SAMD7: variants seen among roughly 807,000 people sequenced by gnomAD.
SAMD7 encodes the protein sterile alpha motif domain-containing protein 7.
Under a neutral mutation model 36.7 loss-of-function variants are expected in SAMD7, and 34 were observed. The ratio of observed to expected loss-of-function variants is 0.93; its 90% CI spans 0.71 to 1.23. The LOEUF is 1.23. Among genes scored for constraint, SAMD7 ranks in the 50% most tolerant of loss-of-function variants. The pLI is 0.00. For synonymous variants in SAMD7, 188 were observed against 189.7 expected, an observed-to-expected ratio of 0.99 and a Z score of 0.07; for missense variants, 570 against 546.6, an observed-to-expected ratio of 1.04 and a Z score of -0.43.
intron 2 of SAMD7, 78 bp from the exon 3 acceptor site, chr3:169,919,380 T>G: frequency 1.3e-6 from 1 of 786,602 alleles, no homozygotes; most frequent in South Asian, 1.6e-5. Context: ...CAAAAGGCTT[T>G]TATTGTGTTC....
At chr3:169,926,285 G>A (rs1173426303) in intron 5 of SAMD7, 25 of 1,383,616 alleles carry the variant, frequency 1.8e-5, no homozygotes, top group Admixed American at 9.2e-5. Context: ...GCTGTGCTGC[G>A]TAAGCCCCAT....
At chr3:169,927,704 C>A (rs1713334490) in intron 6 of SAMD7, among the ~76,000 whole-genome samples, 1 of 151,952 alleles carries the variant, frequency 6.6e-6, no homozygotes, top group Non-Finnish European at 1.5e-5. Flanking sequence ...TTATATTTTG[C>A]TATATAGAGA....
Position 169,938,705 on chromosome 3 carries a change from G to A in SAMD7, c.*199G>A, listed in dbSNP as rs117912878. 4.3e-3 allele frequency: 1,797 copies of A among 421,272 alleles called. 47 individuals are homozygous for A. In the East Asian group the frequency reaches 0.05, roughly 12 times the overall value. The allele number at this position is 421,272 out of a possible 1,614,324, so 26.1% of individuals were successfully genotyped here. A position where few individuals can be genotyped will look rare whatever the true frequency, so the allele number is the denominator to read the frequency against. On this transcript the variant is annotated 3_prime_UTR_variant, in exon 9 of 9. Coordinates refer to ENST00000335556, the MANE Select transcript of SAMD7 (RefSeq NM_001304366.2). ...ACCCCAGCACCAAATGACTGGAGAC[G>A]CATCCTTAGGAGCAAATGCTAATGA...
intron 5 of SAMD7, among the ~76,000 whole-genome samples, 176 bp downstream of exon 5, chr3:169,925,312 G>T (rs1300690244): frequency 6.6e-6 from 1 of 151,920 alleles, no homozygotes; most frequent in African/African-American, 2.4e-5. Context: ...AGTCTGCTCT[G>T]CCTATGGGGT....
chr3:169,938,347 C>T lies in SAMD7; in HGVS notation c.1182C>T (p.Tyr394=), dbSNP rs770317102. ...QVSQHVGSMF[Y]KKTLSFPIRQ... Reference sequence around the variant, plus strand: ...CTCAGCATGTGGGAAGTATGTTCTACAAGAAAACTCTTTCATTTCCTATAA... The same window carrying T: ...CTCAGCATGTGGGAAGTATGTTCTATAAGAAAACTCTTTCATTTCCTATAA... Residue 394 remains tyrosine (Y), a synonymous_variant, in exon 9 of 9, where the codon TAC becomes TAT. Transcript: ENST00000335556. 5.0e-6 allele frequency: 8 copies of T among 1,610,530 alleles called. No individual in the cohort carries two copies. Among genetic ancestry groups the T allele is most frequent in the South Asian group, 4.4e-5 (4 of 90,668 alleles).
At chr3:169,930,727 G>A (rs990334121) in intron 7 of SAMD7, among the ~76,000 whole-genome samples, 2 of 151,708 alleles carry the variant, frequency 1.3e-5, no homozygotes, top group African/African-American at 4.8e-5. Context: ...GACTATAGGT[G>A]CACACCACCA....
chr3:169,932,210 C>T, intron 7 of SAMD7: 3 of 800,270 alleles, frequency 3.7e-6, no homozygotes, highest in Non-Finnish European at 6.3e-6. Flanking sequence ...GAGACTGCAG[C>T]CCAGTGGGTG....
At chr3:169,924,726 C>G (rs759396354) in intron 4 of SAMD7, among the ~76,000 whole-genome samples, 1 of 152,102 alleles carries the variant, frequency 6.6e-6, no homozygotes, top group East Asian at 1.9e-4. Context: ...CCAAAAAATA[C>G]GTATACTTTT....
intron 5 of SAMD7, 63 bp from the exon 6 acceptor site, chr3:169,926,490 T>C: frequency 6.8e-7 from 1 of 1,460,720 alleles, no homozygotes. Flanking sequence ...AGACAAGGGG[T>C]CATTAAAATT....
intron 3 of SAMD7, 72 bp downstream of exon 3, chr3:169,919,656 A>G: frequency 8.1e-7 from 1 of 1,229,588 alleles, no homozygotes; most frequent in Non-Finnish European, 1.2e-6. Context: ...AATGATGTTA[A>G]GTCTAGTGTT....
rs1414770290 is a variant in SAMD7, at chr3:169,926,246, T to C, written c.291-307T>C. ...AACCTCTTCCCAGTACTTTAGGTTT[T>C]TTGAGGATTAATCTCTGGCAAGGAA... On this transcript the variant is annotated intron_variant, in intron 5 of 8. Transcript: ENST00000335556. 7.5e-6 allele frequency: 10 copies of C among 1,335,136 alleles called. No individual in the cohort carries two copies. In the South Asian group the frequency reaches 1.2e-4, roughly 16 times the overall value. The allele number at this position is 1,335,136 out of a possible 1,614,324, so 82.7% of individuals were successfully genotyped here. A position where few individuals can be genotyped will look rare whatever the true frequency, so the allele number is the denominator to read the frequency against.
chr3:169,936,679 T>G (rs754201556), intron 8 of SAMD7, among the ~76,000 whole-genome samples: 3 of 152,102 alleles, frequency 2.0e-5, no homozygotes, highest in African/African-American at 4.8e-5. Context: ...CACTGGTAAA[T>G]GTTTAACAAG....
In SAMD7 at chr3:169,927,069, C is replaced by T; in HGVS notation, c.807C>T (p.Thr269=). The change falls in exon 6 of 9, where the codon ACC becomes ACT. Residue 269 remains threonine, a synonymous_variant. Coordinates refer to ENST00000335556, the MANE Select transcript of SAMD7 (RefSeq NM_001304366.2). The part of the protein sequence containing the change: ...HRKPWGSHTT[T]LKAKAWDDGK... Reference sequence around the variant, plus strand: ...AACCCTGGGGGTCTCACACCACTACCCTGAAAGCAAAGGCCTGGGACGATG... The same window carrying T: ...AACCCTGGGGGTCTCACACCACTACTCTGAAAGCAAAGGCCTGGGACGATG... The T allele has an allele frequency of 1.9e-6, 3 of 1,611,128 alleles. No homozygotes were observed. Among genetic ancestry groups the T allele is most frequent in the East Asian group, 2.2e-5 (1 of 44,844 alleles).
Position 169,936,458 on chromosome 3 carries a change from A to AT in SAMD7, c.1152+13dup. The AT allele has an allele frequency of 7.0e-7, 1 of 1,437,374 alleles. No homozygotes were observed. The highest frequency in any genetic ancestry group is 9.8e-7 in the Non-Finnish European group (1 of 1,021,312). 89.0% of individuals were successfully genotyped at this position (1,437,374 alleles called of 1,614,324 possible). A position where few individuals can be genotyped will look rare whatever the true frequency, so the allele number is the denominator to read the frequency against. On this transcript the variant is annotated intron_variant, in intron 8 of 8. Transcript: ENST00000335556. ...TAAAAATTCAGTCACAGGTATGGTG[A>AT]TTTTATATAACTAATTATGTATTAA... is the stretch of plus-strand genomic sequence containing the variant.
intron 2 of SAMD7, among the ~76,000 whole-genome samples, chr3:169,918,084 C>T (rs890427180): frequency 1.3e-5 from 2 of 151,778 alleles, no homozygotes; most frequent in East Asian, 3.9e-4. Context: ...ATTACAGGCA[C>T]GCGCCACCAC....
intron 5 of SAMD7, chr3:169,926,296 C>A: frequency 1.4e-6 from 2 of 1,391,296 alleles, no homozygotes; most frequent in South Asian, 2.6e-5. Context: ...TAAGCCCCAT[C>A]CCTGCTAAAT....
intron 4 of SAMD7, among the ~76,000 whole-genome samples, chr3:169,924,814 G>A (rs1294960142): frequency 6.6e-6 from 1 of 152,148 alleles, no homozygotes; most frequent in Non-Finnish European, 1.5e-5. Flanking sequence ...GCAGGAAAAT[G>A]CCACCAGTCA....
chr3:169,916,118 T>C (rs952398381), intron 2 of SAMD7, among the ~76,000 whole-genome samples: 1 of 152,192 alleles, frequency 6.6e-6, no homozygotes, highest in Non-Finnish European at 1.5e-5. Flanking sequence ...CATTTTGACA[T>C]GCACAATGGA....
rs150124826 is a variant in SAMD7, at chr3:169,938,476, A to T, written c.1311A>T (p.Lys437Asn). ...GTCCCCAGGATACAATAATTCCTAA[A>T]GGAATTGAGCGAGGTAGTATGAGAA... ...IFCPQDTIIP[K>N]GIERGSMRN Residue 437 changes from lysine to asparagine, a missense_variant, in exon 9 of 9, where the codon AAA (lysine) becomes AAT (asparagine). Physicochemically the swap from Lys to Asn is moderately conservative, Grantham distance 94 (BLOSUM62 0). Transcript: ENST00000335556. 1.2e-6 allele frequency: 2 copies of T among 1,612,784 alleles called. No individual in the cohort carries two copies. Among genetic ancestry groups the T allele is most frequent in the Non-Finnish European group, 1.7e-6 (2 of 1,179,076 alleles).
Sources: allele counts gnomAD v4.1 joint callset (sites outside exome capture counted in the v4.1 genomes callset), GRCh38; gene constraint gnomAD v4.1.1; transcripts MANE v1.5; gene names NCBI Gene and HGNC (gene_info 2026-07-23, HGNC 2026-07-21).